GAB1: variants seen among roughly 807,000 people sequenced by gnomAD.
GAB1 encodes the protein GRB2 associated binding protein 1, also known as GRB2-associated-binding protein 1.
Under a neutral mutation model 66.5 loss-of-function variants are expected in GAB1, and 19 were observed. That is an observed-to-expected ratio of 0.29 (90% CI 0.20 to 0.42). The LOEUF is 0.42. Among genes scored for constraint, GAB1 ranks in the 10% least tolerant of loss-of-function variants. GAB1 has a pLI of 1.00. For missense variants in GAB1, 732 were observed against 858.5 expected, an observed-to-expected ratio of 0.85 and a Z score of 1.84; for synonymous variants, 294 against 301.4, an observed-to-expected ratio of 0.98 and a Z score of 0.25.
intron 1 of GAB1, among the ~76,000 whole-genome samples, chr4:143,367,883 C>T (rs1268388891): frequency 6.6e-6 from 1 of 151,932 alleles, no homozygotes; most frequent in Non-Finnish European, 1.5e-5. Context: ...CACCACCATG[C>T]CTGGCTAATT....
intron 2 of GAB1, chr4:143,424,932 TG>T (rs1733247574): frequency 7.2e-6 from 4 of 558,514 alleles, no homozygotes; most frequent in Non-Finnish European, 1.3e-5. Context: ...TCCAGCCTGG[TG>T]GCAGAGCGAG....
At chr4:143,341,672 C>T (rs772038956) in intron 1 of GAB1, among the ~76,000 whole-genome samples, 33 of 152,210 alleles carry the variant, frequency 2.2e-4, no homozygotes, top group Non-Finnish European at 2.9e-5. Context: ...AACAGGACAA[C>T]TCTTGTCTGG....
At chr4:143,421,512 A>G (rs1733011668) in intron 2 of GAB1, among the ~76,000 whole-genome samples, 1 of 152,074 alleles carries the variant, frequency 6.6e-6, no homozygotes, top group Non-Finnish European at 1.5e-5. Context: ...TTGCCTACCT[A>G]CCAGCAGCGT....
chr4:143,369,402 C>G (rs955147332), intron 1 of GAB1, among the ~76,000 whole-genome samples: 3 of 152,136 alleles, frequency 2.0e-5, no homozygotes, highest in African/African-American at 7.2e-5. Flanking sequence ...TTACCAAGCA[C>G]TTTAATTCAT....
intron 1 of GAB1, among the ~76,000 whole-genome samples, chr4:143,366,145 A>G (rs1477370249): frequency 6.6e-6 from 1 of 152,242 alleles, no homozygotes; most frequent in African/African-American, 2.4e-5. Context: ...AATTAGCCTC[A>G]TAGTCCACAA....
chr4:143,407,325 A>G (rs1732102091), intron 1 of GAB1, among the ~76,000 whole-genome samples: 1 of 151,810 alleles, frequency 6.6e-6, no homozygotes, highest in East Asian at 1.9e-4. Context: ...TGAGGTAGGC[A>G]TTAATTTAGC....
intron 2 of GAB1, among the ~76,000 whole-genome samples, chr4:143,429,642 A>G (rs565495766): frequency 1.3e-5 from 2 of 151,072 alleles, no homozygotes; most frequent in South Asian, 2.1e-4. Flanking sequence ...ATGAGCTATG[A>G]GGCCAATTTT....
intron 1 of GAB1, among the ~76,000 whole-genome samples, chr4:143,364,636 GC>G (rs1729796278): frequency 6.6e-6 from 1 of 152,108 alleles, no homozygotes; most frequent in Admixed American, 6.6e-5. Context: ...CATAGGTGCA[GC>G]CTCATCCTAT....
intron 2 of GAB1, chr4:143,425,802 G>A (rs1401808839): frequency 5.0e-6 from 4 of 805,786 alleles, no homozygotes; most frequent in Non-Finnish European, 8.7e-6. Context: ...AGGCATGCAG[G>A]TGCCTTCTGT....
At chr4:143,412,790 G>A (rs1459574787) in intron 1 of GAB1, among the ~76,000 whole-genome samples, 1 of 152,072 alleles carries the variant, frequency 6.6e-6, no homozygotes, top group Non-Finnish European at 1.5e-5. Context: ...GCAGGTAAGA[G>A]TTTAGCCTCC....
intron 8 of GAB1, among the ~76,000 whole-genome samples, chr4:143,461,883 A>G (rs1188093586): frequency 6.6e-6 from 1 of 152,188 alleles, no homozygotes; most frequent in African/African-American, 2.4e-5. Flanking sequence ...AGCTTTCTTA[A>G]AACTATATAT....
chr4:143,363,624 C>T (rs1330963186), intron 1 of GAB1, among the ~76,000 whole-genome samples: 3 of 152,058 alleles, frequency 2.0e-5, no homozygotes, highest in African/African-American at 7.2e-5. Context: ...TTATGCTCGC[C>T]TCTGTAGTTT....
intron 8 of GAB1, among the ~76,000 whole-genome samples, chr4:143,461,250 T>C (rs1016964816): frequency 1.3e-5 from 2 of 152,250 alleles, no homozygotes; most frequent in Non-Finnish European, 2.9e-5. Context: ...TCCATTAGGA[T>C]TAAGTTCCCC....
At chr4:143,407,148 C>A (rs1051837282) in intron 1 of GAB1, among the ~76,000 whole-genome samples, 2 of 151,982 alleles carry the variant, frequency 1.3e-5, no homozygotes, top group African/African-American at 4.8e-5. Flanking sequence ...ACCTATATAC[C>A]TTTTTTCTAA....
At chr4:143,462,073 G>A (rs79400739) in intron 8 of GAB1, among the ~76,000 whole-genome samples, 2,035 of 152,170 alleles carry the variant, frequency 0.013, 51 homozygotes, top group African/African-American at 0.046. Context: ...GCAACATAGC[G>A]AGACCTCATC....
chr4:143,436,903 C>T (rs1307708884), intron 3 of GAB1, among the ~76,000 whole-genome samples: 4 of 151,984 alleles, frequency 2.6e-5, no homozygotes, highest in Non-Finnish European at 2.9e-5. Context: ...TCTCTAATAG[C>T]GTGTATGGTA....
intron 2 of GAB1, among the ~76,000 whole-genome samples, chr4:143,423,288 TATGTTA>T (rs1733118750): frequency 6.6e-6 from 1 of 152,236 alleles, no homozygotes; most frequent in South Asian, 2.1e-4. Flanking sequence ...AAGTCCTTTG[TATGTTA>T]ATGTGGTTTG....
Position 143,337,008 on chromosome 4 carries a change from C to T in GAB1, c.-181C>T. 1 of 590,322 alleles carries T rather than the reference C, an allele frequency of 1.7e-6. No homozygotes were observed. The allele number at this position is 590,322 out of a possible 1,614,324, so 36.6% of individuals were successfully genotyped here. On this transcript the variant is annotated 5_prime_UTR_variant, in exon 1 of 10. Transcript: ENST00000262994. ...CGTTCTGTTCAGGTTCGTGGGCCTG[C>T]AGAGGAGAGACTCGAACTCGTGGAA...
rs778101536 is a variant in GAB1 at position 143,440,351 on chromosome 4, C to G, written c.1554C>G (p.Pro518=). 2.5e-6 allele frequency: 4 copies of G among 1,613,212 alleles called. No homozygotes were observed. Among genetic ancestry groups the G allele is most frequent in the Non-Finnish European group, 3.4e-6 (4 of 1,179,540 alleles). ...PVPVADCEPP[P]VDRNLKPDRK... is the part of the protein sequence containing the mutation. ...CTGTTGCAGACTGTGAACCACCCCCCGTGGATAGGAACCTCAAGCCAGACA... is the reference window on the plus strand; with the variant it reads ...CTGTTGCAGACTGTGAACCACCCCCGGTGGATAGGAACCTCAAGCCAGACA... The change falls in exon 6 of 10, where the codon CCC becomes CCG. Residue 518 remains proline, a synonymous_variant. Transcript: ENST00000262994.
Sources: gnomAD v4.1 joint callset for allele counts (sites outside exome capture counted in the v4.1 genomes callset) on GRCh38, gnomAD v4.1.1 for gene constraint, MANE v1.5 for transcripts, NCBI Gene and HGNC (gene_info 2026-07-23, HGNC 2026-07-21) for gene names.